Variants in HOOK1 observed in about 807,000 individuals in gnomAD.
HOOK1 encodes protein Hook homolog 1.
A neutral mutation model predicts 112.8 loss-of-function variants in HOOK1; 60 were observed. The observed-to-expected ratio is 0.53, with a 90% CI of 0.43 to 0.66. The LOEUF is 0.66. Ranked by LOEUF, HOOK1 falls within the 30% of genes least tolerant of loss-of-function variation. The pLI, the probability that HOOK1 is intolerant of heterozygous loss-of-function variation, is 0.00. For synonymous variants in HOOK1, 294 were observed against 283.8 expected (o/e 1.04, Z -0.36); for missense variants, 770 against 856.0 (o/e 0.90, Z 1.25).
intron 2 of HOOK1, 62 bp from the exon 3 acceptor site, chr1:59,828,718 A>T (rs2098391713): frequency 7.0e-7 from 1 of 1,434,920 alleles, no homozygotes; most frequent in Non-Finnish European, 9.7e-7. Flanking sequence ...TGTTGGCTCT[A>T]TTTAATTTTT....
intron 2 of HOOK1, among the ~76,000 whole-genome samples, chr1:59,823,127 T>C (rs916624786): frequency 3.9e-5 from 6 of 152,304 alleles, no homozygotes; most frequent in South Asian, 2.1e-4. Flanking sequence ...GAGACCATCC[T>C]GGCTAACATG....
At chr1:59,845,622 T>C (rs2098403357) in intron 9 of HOOK1, among the ~76,000 whole-genome samples, 1 of 151,896 alleles carries the variant, frequency 6.6e-6, no homozygotes, top group Non-Finnish European at 1.5e-5. Flanking sequence ...TGTCAGATGA[T>C]TTTTCTGCAT....
At chr1:59,841,571 G>A (rs769115830) in intron 8 of HOOK1, among the ~76,000 whole-genome samples, 7 of 151,994 alleles carry the variant, frequency 4.6e-5, no homozygotes, top group African/African-American at 7.2e-5. Context: ...GTTCTCCTTC[G>A]CACCTTTCCT....
chr1:59,858,221 A>G (rs1454548096), intron 12 of HOOK1, among the ~76,000 whole-genome samples: 1 of 152,204 alleles, frequency 6.6e-6, no homozygotes, highest in African/African-American at 2.4e-5. Context: ...TTGTTCAAAG[A>G]TAAGCTATCT....
chr1:59,815,687 A>G (rs535005870), intron 1 of HOOK1, among the ~76,000 whole-genome samples: 5 of 152,044 alleles, frequency 3.3e-5, no homozygotes, highest in Admixed American at 2.6e-4. Flanking sequence ...TCCCGGACCA[A>G]TGCTCCTTCA....
At chr1:59,859,648 A>G (rs2098412515) in intron 14 of HOOK1, among the ~76,000 whole-genome samples, 4 of 151,992 alleles carry the variant, frequency 2.6e-5, no homozygotes, top group Admixed American at 2.6e-4. Flanking sequence ...ATTAACATCA[A>G]TAATATTAAT....
At chr1:59,837,087 A>G (rs1395553835) in intron 7 of HOOK1, 152 bp downstream of exon 7, 9 of 517,014 alleles carry the variant, frequency 1.7e-5, no homozygotes, top group Non-Finnish European at 6.9e-6. Flanking sequence ...ATTGAATGGC[A>G]GTGGTGTTGG....
intron 12 of HOOK1, among the ~76,000 whole-genome samples, chr1:59,856,329 CTCTT>C (rs2098410756): frequency 6.6e-6 from 1 of 151,678 alleles, no homozygotes; most frequent in African/African-American, 2.4e-5. Flanking sequence ...CTCTTATACT[CTCTT>C]TGGTGAGACA....
At chr1:59,852,280 T>G (rs192498781) in intron 12 of HOOK1, among the ~76,000 whole-genome samples, 8 of 151,888 alleles carry the variant, frequency 5.3e-5, no homozygotes, top group Non-Finnish European at 3.0e-5. Context: ...GCCTGAGCTT[T>G]ATTTGTAGGA....
At position 59,864,885 on chromosome 1, in the gene HOOK1, T is replaced by G. The variant is rs1250474069; in HGVS notation, c.1661+219T>G. On this transcript the variant is annotated intron_variant, in intron 17 of 21. Coordinates refer to ENST00000371208, the MANE Select transcript of HOOK1 (RefSeq NM_015888.6). The stretch of plus-strand genomic sequence containing the variant: ...CCATTGTTAATATCATTTGAAAAGT[T>G]TAAAAAAACAGATTAACTATCACAA... 7.3e-6 allele frequency: 4 copies of G among 546,668 alleles called. No individual in the cohort carries two copies. In the African/African-American group the frequency reaches 7.7e-5, roughly 11 times the overall value. 33.9% of individuals were successfully genotyped at this position (546,668 alleles called of 1,614,324 possible).
rs542211081 is a variant in HOOK1, at chr1:59,821,871, A to G, written c.77A>G (p.Asn26Ser). ...DSLMIWLQTF[N>S]TASPCQDVKQ... ...ATGTCATTTTAGCTGCAGACATTCA[A>G]TACTGCCTCACCTTGTCAAGATGTC... The change falls in exon 2 of 22, where the codon AAT (asparagine) becomes AGT (serine). Residue 26 changes from asparagine to serine, a missense_variant. Asn to Ser is a conservative substitution (Grantham distance 46). This residue lies in a region of HOOK1 where 655 missense variants were observed against 725.9 expected (regional missense o/e 0.90). Transcript: ENST00000371208. The G allele has an allele frequency of 2.3e-5, 37 of 1,600,586 alleles. No individual in the cohort carries two copies. The East Asian group carries it at 7.7e-4, about 34-fold the overall frequency.
At chr1:59,865,017 G>A (rs1643935793) in intron 17 of HOOK1, 146 bp from the exon 18 acceptor site, 2 of 616,364 alleles carry the variant, frequency 3.2e-6, no homozygotes, top group African/African-American at 3.7e-5. Flanking sequence ...GTGCCTGACT[G>A]TTTACATCCT....
chr1:59,842,152 G>A (rs1241684688), intron 8 of HOOK1, among the ~76,000 whole-genome samples: 1 of 151,828 alleles, frequency 6.6e-6, no homozygotes, highest in Non-Finnish European at 1.5e-5. Context: ...GCCTGAGGGT[G>A]TTGTTTTTCC....
Position 59,862,678 on chromosome 1 carries a change from T to C in HOOK1, c.1533-106T>C, listed in dbSNP as rs1044127423. On this transcript the variant is annotated intron_variant, in intron 15 of 21. Transcript: ENST00000371208. Reference sequence around the variant, plus strand: ...ATAATTATTCCGCATTTGTCATTGCTATAAAAATATTTTTTACTTAAATTG... The same window carrying C: ...ATAATTATTCCGCATTTGTCATTGCCATAAAAATATTTTTTACTTAAATTG... 4.5e-6 allele frequency: 3 copies of C among 662,320 alleles called. No homozygotes were observed. The Admixed American group carries it at 6.8e-5, about 15-fold the overall frequency. The allele number at this position is 662,320 out of a possible 1,614,324, so 41.0% of individuals were successfully genotyped here. A position where few individuals can be genotyped will look rare whatever the true frequency, so the allele number is the denominator to read the frequency against.
Position 59,873,941 on chromosome 1 carries a change from T to C in HOOK1, c.*976T>C, listed in dbSNP as rs1644096072. 1 of 151,866 alleles carries C rather than the reference T, an allele frequency of 6.6e-6. No homozygotes were observed. The allele number at this position is 151,866 out of a possible 1,614,324, so 9.4% of individuals were successfully genotyped here. A position where few individuals can be genotyped will look rare whatever the true frequency, so the allele number is the denominator to read the frequency against. ...AAGGTGGGATCAGTTTGATTTTGTT[T>C]ACTTATTAAGGAGTTTATCTTGGGC... On this transcript the variant is annotated 3_prime_UTR_variant, in exon 22 of 22. Coordinates refer to ENST00000371208, the MANE Select transcript of HOOK1 (RefSeq NM_015888.6).
At chr1:59,854,441 T>C (rs1029174446) in intron 12 of HOOK1, among the ~76,000 whole-genome samples, 17 of 152,138 alleles carry the variant, frequency 1.1e-4, no homozygotes, top group African/African-American at 4.1e-4. Flanking sequence ...TATTTCAACC[T>C]GAAGGACTCC....
At chr1:59,864,163 G>A (rs1160565172) in intron 16 of HOOK1, among the ~76,000 whole-genome samples, 1 of 151,412 alleles carries the variant, frequency 6.6e-6, no homozygotes, top group Non-Finnish European at 1.5e-5. Context: ...TTTGGTGTTA[G>A]TTATTAAAGT....
rs2098414652 is a variant in HOOK1 at position 59,863,436 on chromosome 1, C to T, written c.1626+559C>T. On this transcript the variant is annotated intron_variant, in intron 16 of 21. Coordinates refer to ENST00000371208, the MANE Select transcript of HOOK1 (RefSeq NM_015888.6). ...TTCTCCTTCCTTAATGATTCATGGC[C>T]TTACCGTTTTCTGATGGATTTTGAC... 2.0e-5 allele frequency among the ~76,000 whole-genome samples: 3 copies of T among 152,084 alleles called. No homozygotes were observed. The South Asian group carries it at 6.2e-4, about 31-fold the overall frequency.
intron 21 of HOOK1, among the ~76,000 whole-genome samples, chr1:59,872,589 T>C (rs1644073156): frequency 6.6e-6 from 1 of 152,188 alleles, no homozygotes; most frequent in African/African-American, 2.4e-5. Context: ...AATTTAGTGA[T>C]TAAATAGAGA....
Sources: gnomAD v4.1 joint callset for allele counts (sites outside exome capture counted in the v4.1 genomes callset) on GRCh38, gnomAD v4.1.1 for gene constraint, gnomAD v4.1.1 regional missense constraint, MANE v1.5 for transcripts, NCBI Gene and HGNC (gene_info 2026-07-23, HGNC 2026-07-21) for gene names.